SEC14L1: variants seen among roughly 807,000 people sequenced by gnomAD.
SEC14L1 encodes the protein SEC14-like protein 1.
A neutral mutation model predicts 85.3 loss-of-function variants in SEC14L1; 48 were observed. That is an observed-to-expected ratio of 0.56 (90% confidence interval 0.45 to 0.72). SEC14L1 has a LOEUF of 0.72. Among genes scored for constraint, SEC14L1 ranks in the 30% least tolerant of loss-of-function variants. SEC14L1 has a pLI of 0.00. For synonymous variants in SEC14L1, 391 were observed against 355.5 expected (o/e 1.10, Z -1.12); for missense variants, 682 against 921.4 (o/e 0.74, Z 3.36).
Position 77,129,777 on chromosome 17 carries a change from C to A in SEC14L1, c.-135-12869C>A, listed in dbSNP as rs747035086. On this transcript the variant is annotated intron_variant, in intron 3 of 19. Coordinates refer to the SEC14L1 transcript ENST00000392476. ...TGACTGTTTATTCTTCACCCAGTCG[C>A]GCCTTGTGATGTGGCCTCTGGTCTA... 2.6e-5 allele frequency among the ~76,000 whole-genome samples: 4 copies of A among 152,094 alleles called. No homozygotes were observed. In the East Asian group the frequency reaches 5.8e-4, roughly 22 times the overall value.
Position 77,216,379 on chromosome 17 carries a change from G to T in SEC14L1, c.*2356G>T. 8 of 1,402,554 alleles carry T rather than the reference G, an allele frequency of 5.7e-6. No homozygotes were observed. The highest frequency in any genetic ancestry group is 7.5e-6 in the Non-Finnish European group (8 of 1,062,894). 86.9% of individuals were successfully genotyped at this position (1,402,554 alleles called of 1,614,324 possible). On this transcript the variant is annotated 3_prime_UTR_variant, in exon 17 of 17. Coordinates refer to ENST00000436233, the MANE Select transcript of SEC14L1 (RefSeq NM_001143998.2). The stretch of plus-strand genomic sequence containing the variant: ...GCTAGTAGGTAGGGCTAGTAGGTAG[G>T]GCTAGTAGGTAGGGCTAGTAGGTAG...
Position 77,213,811 on chromosome 17 carries a change from G to C in SEC14L1, c.2043-107G>C, listed in dbSNP as rs1427812673. 1 of 1,378,508 alleles carries C rather than the reference G, an allele frequency of 7.3e-7. No individual in the cohort carries two copies. The highest frequency in any genetic ancestry group is 2.3e-5 in the East Asian group (1 of 43,604). The allele number at this position is 1,378,508 out of a possible 1,614,324, so 85.4% of individuals were successfully genotyped here. A position where few individuals can be genotyped will look rare whatever the true frequency, so the allele number is the denominator to read the frequency against. ...CGTTTGCAAGCACTGATGGGGATGAGAAGTGAGCAGAGAACAGGGTGGGCC... is the reference window on the plus strand; with the variant it reads ...CGTTTGCAAGCACTGATGGGGATGACAAGTGAGCAGAGAACAGGGTGGGCC... On this transcript the variant is annotated intron_variant, in intron 16 of 16. Coordinates refer to ENST00000436233, the MANE Select transcript of SEC14L1 (RefSeq NM_001143998.2). The surrounding 1 kb of genome is among the most constrained non-coding windows in gnomAD (Gnocchi z 7.1).
chr17:77,193,291 G>T, intron 5 of SEC14L1, 130 bp from the exon 6 acceptor site: 1 of 791,610 alleles, frequency 1.3e-6, no homozygotes, highest in Middle Eastern at 4.1e-4. Context: ...TTTTCCATCT[G>T]CTGTCTTTAT....
intron 3 of SEC14L1, among the ~76,000 whole-genome samples, chr17:77,100,929 C>G (rs1728721402): frequency 6.6e-6 from 1 of 152,030 alleles, no homozygotes; most frequent in South Asian, 2.1e-4. Flanking sequence ...TGTAGTAGTC[C>G]AATTCATAAG....
chr17:77,122,283 AT>A (rs747993913), intron 3 of SEC14L1, among the ~76,000 whole-genome samples: 2 of 151,686 alleles, frequency 1.3e-5, no homozygotes, highest in Non-Finnish European at 2.9e-5. Flanking sequence ...ATTATCATTA[AT>A]TTTTATTTTC....
intron 9 of SEC14L1, among the ~76,000 whole-genome samples, chr17:77,203,122 T>A (rs1475665291): frequency 6.6e-6 from 1 of 152,206 alleles, no homozygotes; most frequent in East Asian, 1.9e-4. Context: ...AGAAAGAAAA[T>A]TTTAAAAGTA....
At chr17:77,212,563 G>A (rs984460320) in intron 15 of SEC14L1, among the ~76,000 whole-genome samples, 1 of 152,118 alleles carries the variant, frequency 6.6e-6, no homozygotes, top group African/African-American at 2.4e-5. Context: ...GAAGTAAGAG[G>A]GACAAGTACT....
At chr17:77,149,098 C>T (rs1002879827) in intron 3 of SEC14L1, among the ~76,000 whole-genome samples, 3 of 152,180 alleles carry the variant, frequency 2.0e-5, no homozygotes, top group East Asian at 1.9e-4. Flanking sequence ...CACACGTCCC[C>T]GATGCCTCTG....
At chr17:77,171,626 G>A (rs969490926) in intron 3 of SEC14L1, among the ~76,000 whole-genome samples, 10 of 152,182 alleles carry the variant, frequency 6.6e-5, no homozygotes, top group Non-Finnish European at 1.5e-4. Context: ...TTTTTCCAAG[G>A]TGTGGACCAC....
At chr17:77,134,238 C>CTGT (rs1972712036) in intron 3 of SEC14L1, among the ~76,000 whole-genome samples, 1 of 150,258 alleles carries the variant, frequency 6.7e-6, no homozygotes, top group Non-Finnish European at 1.5e-5. Flanking sequence ...ACACAACATG[C>CTGT]AACACACACA....
At chr17:77,180,126 G>A (rs1598354071) in intron 3 of SEC14L1, among the ~76,000 whole-genome samples, 1 of 146,900 alleles carries the variant, frequency 6.8e-6, no homozygotes, top group African/African-American at 2.5e-5. Context: ...TTTTTTGAGA[G>A]GGATTCTCAC....
Position 77,213,114 on chromosome 17 carries a change from G to T in SEC14L1, c.1864-200G>T, listed in dbSNP as rs377461069. On this transcript the variant is annotated intron_variant, in intron 15 of 16. Transcript: ENST00000436233. This position sits in a 1 kb window ranked among gnomAD's most constrained non-coding sequence, Gnocchi z 7.1. ...TGTCCCTCCGGGCTTCCCAGCACCC[G>T]GGAGTGACCACACTCAGTAGAGGGA... Among the ~76,000 whole-genome samples the T allele has an allele frequency of 1.3e-5, 2 of 152,244 alleles. No individual in the cohort carries two copies. Among genetic ancestry groups the T allele is most frequent in the African/African-American group, 2.4e-5 (1 of 41,468 alleles).
chr17:77,213,370 C>T lies in SEC14L1; in HGVS notation c.1920C>T (p.Ser640=), dbSNP rs762442643. The part of the protein sequence containing the change: ...GFYILQWKFH[S]MPACAASSLP... ...ACATCCTGCAGTGGAAATTCCACAG[C>T]ATGCCTGCGTGCGCCGCCAGCAGCC... Residue 640 remains serine (S), a synonymous_variant, in exon 16 of 17, where the codon AGC becomes AGT. Coordinates refer to ENST00000436233, the MANE Select transcript of SEC14L1 (RefSeq NM_001143998.2). This position sits in a 1 kb window ranked among gnomAD's most constrained non-coding sequence, Gnocchi z 7.1. 23 of 1,613,404 alleles carry T rather than the reference C, an allele frequency of 1.4e-5. No individual in the cohort carries two copies. In the South Asian group the frequency reaches 2.4e-4, roughly 17 times the overall value.
At position 77,213,558 on chromosome 17, in the gene SEC14L1, C is replaced by A; in HGVS notation, c.2042+66C>A. 1 of 1,568,154 alleles carries A rather than the reference C, an allele frequency of 6.4e-7. No individual in the cohort carries two copies. Among genetic ancestry groups the A allele is most frequent in the Non-Finnish European group, 8.7e-7 (1 of 1,153,494 alleles). On this transcript the variant is annotated intron_variant, in intron 16 of 16. Coordinates refer to ENST00000436233, the MANE Select transcript of SEC14L1 (RefSeq NM_001143998.2). The surrounding 1 kb of genome is among the most constrained non-coding windows in gnomAD (Gnocchi z 7.1). ...GGCATGGTTGGAGGGAGCCTGCAGT[C>A]CCACGCCGTGTGCAGGATCAGCAGT...
intron 3 of SEC14L1, chr17:77,185,382 A>G (rs1354758830): frequency 1.0e-6 from 1 of 985,364 alleles, no homozygotes; most frequent in African/African-American, 1.7e-5. Flanking sequence ...GGGCATGCCA[A>G]GGTAAAGTGA....
At position 77,209,426 on chromosome 17, in the gene SEC14L1, A is replaced by T. The variant is rs758302839; in HGVS notation, c.1561A>T (p.Thr521Ser). The T allele has an allele frequency of 2.0e-5, 33 of 1,614,040 alleles. No homozygotes were observed. The East Asian group carries it at 6.9e-4, about 34-fold the overall frequency. The change falls in exon 14 of 17, where the codon ACT (threonine) becomes TCT (serine). Residue 521 changes from threonine to serine, a missense_variant. By Grantham distance (58) the Thr-to-Ser change is moderately conservative. Transcript: ENST00000436233. ...GGAGAACGAAGACCTGAAGCTCTGG[A>T]CTGAGACCATCTACCAGTCTGCAAG... ...ELENEDLKLW[T>S]ETIYQSASVF... is the part of the protein sequence containing the mutation.
At chr17:77,095,696 A>C (rs145835457) in intron 3 of SEC14L1, among the ~76,000 whole-genome samples, 521 of 152,228 alleles carry the variant, frequency 3.4e-3, no homozygotes, top group Middle Eastern at 0.01. Context: ...AGGCACCTGT[A>C]ATCCCAGCTG....
chr17:77,139,652 C>T (rs562922806), upstream of SEC14L1, among the ~76,000 whole-genome samples: 44 of 151,972 alleles, frequency 2.9e-4, no homozygotes, highest in Non-Finnish European at 5.4e-4. Flanking sequence ...CGCCCGCCAC[C>T]ACGCCCGGCT....
In SEC14L1 at chr17:77,215,931, C is replaced by T. The variant is rs868713430; in HGVS notation, c.*1908C>T. 2.6e-5 allele frequency: 23 copies of T among 876,868 alleles called. 2 individuals carry two copies. The highest frequency in any genetic ancestry group is 3.0e-5 in the Non-Finnish European group (23 of 758,992). 54.3% of individuals were successfully genotyped at this position (876,868 alleles called of 1,614,324 possible). A position where few individuals can be genotyped will look rare whatever the true frequency, so the allele number is the denominator to read the frequency against. On this transcript the variant is annotated 3_prime_UTR_variant, in exon 17 of 17. Transcript: ENST00000436233. ...GTAGGTAGGGTTAGTAGGTAGGGTT[C>T]GTAGGTAGGGTTCGTAGGTAGGGTT...
Sources: gnomAD v4.1 joint callset for allele counts (sites outside exome capture counted in the v4.1 genomes callset) on GRCh38, gnomAD v4.1.1 for gene constraint, Gnocchi (gnomAD v3.1) non-coding constraint, MANE v1.5 for transcripts, NCBI Gene and HGNC (gene_info 2026-07-23, HGNC 2026-07-21) for gene names.